PRDM2: variants seen among roughly 807,000 people sequenced by gnomAD.
The protein encoded by PRDM2 is PR/SET domain 2.
In PRDM2, 30 loss-of-function variants were observed where a neutral mutation model predicts 130.0. The ratio of observed to expected loss-of-function variants is 0.23; its 90% CI spans 0.17 to 0.31. The LOEUF (loss-of-function observed/expected upper bound fraction) is 0.31. PRDM2 is among the 10% of genes least tolerant of loss of function. PRDM2 has a pLI of 1.00. For synonymous variants in PRDM2, 871 were observed against 782.4 expected (o/e 1.11, Z -1.89); for missense variants, 2,011 against 2,108.4 (o/e 0.95, Z 0.90).
chr1:13,810,621 A>G (rs1056428165), intron 8 of PRDM2, among the ~76,000 whole-genome samples: 1 of 151,774 alleles, frequency 6.6e-6, no homozygotes, highest in Admixed American at 6.6e-5. Context: ...CAGCCTCCCA[A>G]GTAGCTGGGA....
At chr1:13,805,739 A>G (rs1645075887) in intron 8 of PRDM2, among the ~76,000 whole-genome samples, 1 of 152,222 alleles carries the variant, frequency 6.6e-6, no homozygotes, top group Non-Finnish European at 1.5e-5. Context: ...TGGCCTAACC[A>G]GCTTTCTGTA....
intron 2 of PRDM2, among the ~76,000 whole-genome samples, chr1:13,718,565 C>T (rs1338525512): frequency 4.6e-5 from 7 of 152,118 alleles, no homozygotes; most frequent in Non-Finnish European, 7.3e-5. Context: ...CAAAGCTCCC[C>T]GACCTACATA....
In PRDM2 at chr1:13,823,492, G is replaced by C. The variant is rs1467836486; in HGVS notation, c.*357G>C. On this transcript the variant is annotated 3_prime_UTR_variant, in exon 10 of 10. Coordinates refer to ENST00000311066, the MANE Select transcript of PRDM2 (RefSeq NM_001393986.1). ...CTATGCAATTTTTCAAGAGCTCCTTGACCCTGCTTTTTGCTTCTTGAGTTG... is the reference window on the plus strand; with the variant it reads ...CTATGCAATTTTTCAAGAGCTCCTTCACCCTGCTTTTTGCTTCTTGAGTTG... 2.5e-6 allele frequency: 1 copy of C among 399,090 alleles called. No individual in the cohort carries two copies. The highest frequency in any genetic ancestry group is 4.5e-6 in the Non-Finnish European group (1 of 221,410). The allele number at this position is 399,090 out of a possible 1,614,324, so 24.7% of individuals were successfully genotyped here. A position where few individuals can be genotyped will look rare whatever the true frequency, so the allele number is the denominator to read the frequency against.
At chr1:13,758,027 T>C (rs997246200) in intron 6 of PRDM2, among the ~76,000 whole-genome samples, 2 of 152,168 alleles carry the variant, frequency 1.3e-5, no homozygotes, top group African/African-American at 4.8e-5. Context: ...TATCCCACAA[T>C]AGATTCTTAG....
intron 2 of PRDM2, among the ~76,000 whole-genome samples, chr1:13,725,753 G>GGCA (rs1489586691): frequency 6.6e-6 from 1 of 152,204 alleles, no homozygotes; most frequent in Admixed American, 6.5e-5. Flanking sequence ...GAGTGAAAAA[G>GGCA]GCAGACAACA....
rs1199131703 is a variant in PRDM2, at chr1:13,816,500, A to G, written c.5110A>G (p.Lys1704Glu). ...PYITRQYRKV[K>E]APAAAQFQGP... Reference sequence around the variant, plus strand: ...CATCACCAGGCAGTATAGGAAGGTCAAAGCTCCAGCTGCAGCCCAGTTCCA... The same window carrying G: ...CATCACCAGGCAGTATAGGAAGGTCGAAGCTCCAGCTGCAGCCCAGTTCCA... Residue 1704 changes from lysine (K) to glutamate (E), a missense_variant, in exon 9 of 10, where the codon AAA (lysine) becomes GAA (glutamate). Physicochemically the swap from Lys to Glu is moderately conservative, Grantham distance 56. Around this residue, in one of 5 missense-constraint regions of PRDM2, gnomAD observed 410 missense variants for 395.9 expected, o/e 1.04. Transcript: ENST00000311066. 6.2e-7 allele frequency: 1 copy of G among 1,614,046 alleles called. No homozygotes were observed. Among genetic ancestry groups the G allele is most frequent in the Non-Finnish European group, 8.5e-7 (1 of 1,180,012 alleles).
At chr1:13,756,325 T>C (rs1047852262) in intron 6 of PRDM2, among the ~76,000 whole-genome samples, 8 of 151,526 alleles carry the variant, frequency 5.3e-5, no homozygotes, top group African/African-American at 1.9e-4. Flanking sequence ...ATTGTGGAGG[T>C]TAAAAATAGA....
Position 13,787,748 on chromosome 1 carries a change from A to G in PRDM2, c.5036+4917A>G, listed in dbSNP as rs1019592723. ...TTGTTAACCCGGAGAGTGCTCCTGTATTGAACTTTGCTGTTAGTTATTTTA... is the reference window on the plus strand; with the variant it reads ...TTGTTAACCCGGAGAGTGCTCCTGTGTTGAACTTTGCTGTTAGTTATTTTA... On this transcript the variant is annotated intron_variant, in intron 8 of 9. Transcript: ENST00000311066. 8 of 984,080 alleles carry G rather than the reference A, an allele frequency of 8.1e-6. No individual in the cohort carries two copies. In the African/African-American group the frequency reaches 1.0e-4, roughly 13 times the overall value. 61.0% of individuals were successfully genotyped at this position (984,080 alleles called of 1,614,324 possible).
Position 13,749,425 on chromosome 1 carries a change from C to G in PRDM2, c.449C>G (p.Ala150Gly). The G allele has an allele frequency of 1.3e-6, 2 of 1,514,032 alleles. No individual in the cohort carries two copies. Among genetic ancestry groups the G allele is most frequent in the Non-Finnish European group, 1.8e-6 (2 of 1,119,052 alleles). The allele number at this position is 1,514,032 out of a possible 1,614,324, so 93.8% of individuals were successfully genotyped here. The change falls in exon 6 of 10, where the codon GCT becomes GGT. Residue 150 changes from alanine to glycine, a missense_variant. Transcript: ENST00000311066. The stretch of plus-strand genomic sequence containing the variant: ...GGGGAAGACAACCCTGAGATAGCAG[C>G]TGCGATTGAGGAAGAGCGAGCCAGC... ...YNGEDNPEIAAAIEEERASAR... is the reference protein window; with the variant it reads ...YNGEDNPEIAGAIEEERASAR...
chr1:13,750,962 G>A (rs1374515849), intron 6 of PRDM2, among the ~76,000 whole-genome samples: 1 of 152,054 alleles, frequency 6.6e-6, no homozygotes, highest in Non-Finnish European at 1.5e-5. Flanking sequence ...GAGATGGGGA[G>A]GACAGTACCC....
chr1:13,744,447 T>G (rs1174613828), intron 5 of PRDM2, among the ~76,000 whole-genome samples: 1 of 152,184 alleles, frequency 6.6e-6, no homozygotes, highest in East Asian at 1.9e-4. Context: ...TACATGATTG[T>G]TGTTATTTTT....
At chr1:13,704,252 T>C (rs1385262175) in intron 1 of PRDM2, among the ~76,000 whole-genome samples, 6 of 152,216 alleles carry the variant, frequency 3.9e-5, no homozygotes, top group Non-Finnish European at 7.3e-5. Flanking sequence ...TATTCTTTCT[T>C]AAAGAGAATG....
In PRDM2 at chr1:13,803,357, C is replaced by T. The variant is rs1311874351; in HGVS notation, c.5037-13070C>T. ...CCTTTGCTAGGCCCCGTGGCAGGTT[C>T]GATGGGTGAGAAGTGAATAGACTCC... On this transcript the variant is annotated intron_variant, in intron 8 of 9. Transcript: ENST00000311066. This position sits in a 1 kb window ranked among gnomAD's most constrained non-coding sequence, Gnocchi z 6.2. Among the ~76,000 whole-genome samples, 3 of 152,138 alleles carry T rather than the reference C, an allele frequency of 2.0e-5. No homozygotes were observed. Among genetic ancestry groups the T allele is most frequent in the Non-Finnish European group, 4.4e-5 (3 of 68,032 alleles).
chr1:13,749,273 G>T, intron 5 of PRDM2, 88 bp from the exon 6 acceptor site: 5 of 1,226,498 alleles, frequency 4.1e-6, no homozygotes, highest in Non-Finnish European at 5.2e-6. Flanking sequence ...CATCGGCGCC[G>T]CTCCCGCCCG....
chr1:13,709,784 C>T (rs996719633), intron 1 of PRDM2, among the ~76,000 whole-genome samples: 5 of 152,160 alleles, frequency 3.3e-5, no homozygotes, highest in African/African-American at 1.2e-4. Flanking sequence ...CCATAAACTT[C>T]CTGAATCATG....
At chr1:13,802,080 G>A (rs537386583) in intron 8 of PRDM2, among the ~76,000 whole-genome samples, 2 of 152,336 alleles carry the variant, frequency 1.3e-5, no homozygotes, top group African/African-American at 4.8e-5. Flanking sequence ...TGGGGATCAC[G>A]AGCAGAAAGG....
At position 13,730,769 on chromosome 1, in the gene PRDM2, A is replaced by C. The variant is rs562671211; in HGVS notation, c.10-231A>C. On this transcript the variant is annotated intron_variant, in intron 2 of 9. Transcript: ENST00000311066. ...GAAATGGCCACAGGTGGCTGGAACA[A>C]AATAGAGTAACACAGACATGCTTGA... Among the ~76,000 whole-genome samples the C allele has an allele frequency of 5.4e-4, 82 of 152,298 alleles. 4 individuals are homozygous for C. In the South Asian group the frequency reaches 0.016, roughly 30 times the overall value.
intron 7 of PRDM2, chr1:13,773,675 C>T (rs1439464117): frequency 6.6e-6 from 1 of 152,178 alleles, no homozygotes; most frequent in Non-Finnish European, 1.5e-5. Flanking sequence ...GATCCCCCCA[C>T]TGTACTCCAG....
At chr1:13,775,614 C>A (rs187603978) in intron 7 of PRDM2, among the ~76,000 whole-genome samples, 2 of 152,260 alleles carry the variant, frequency 1.3e-5, no homozygotes, top group East Asian at 3.9e-4. Context: ...CCCGATATTC[C>A]TGGGAAACAG....
Sources: allele counts gnomAD v4.1 joint callset (sites outside exome capture counted in the v4.1 genomes callset), GRCh38; gene constraint gnomAD v4.1.1; regional missense constraint gnomAD v4.1.1; non-coding constraint Gnocchi (gnomAD v3.1); transcripts MANE v1.5; gene names NCBI Gene and HGNC (gene_info 2026-07-23, HGNC 2026-07-21).